PDCD6IP: variants seen among roughly 807,000 people sequenced by gnomAD.
PDCD6IP encodes the protein programmed cell death 6 interacting protein.
PDCD6IP carries 43 observed loss-of-function variants against 103.7 expected under a neutral mutation model. The observed-to-expected ratio is 0.41, with a 90% CI of 0.32 to 0.53. The LOEUF (loss-of-function observed/expected upper bound fraction) is 0.53. Ranked by LOEUF, PDCD6IP falls within the 20% of genes least tolerant of loss-of-function variation. The pLI is 0.16. For synonymous variants in PDCD6IP, 354 were observed against 378.7 expected (o/e 0.93, Z 0.76); for missense variants, 871 against 1,036.7 (o/e 0.84, Z 2.20).
chr3:33,824,751 G>A (rs1053767705), intron 4 of PDCD6IP, among the ~76,000 whole-genome samples: 1 of 152,210 alleles, frequency 6.6e-6, no homozygotes, highest in African/African-American at 2.4e-5. Flanking sequence ...GTTCCTCAGA[G>A]GACTAGGTGT....
At chr3:33,854,305 A>T (rs142510422) in intron 14 of PDCD6IP, among the ~76,000 whole-genome samples, 1 of 152,188 alleles carries the variant, frequency 6.6e-6, no homozygotes, top group African/African-American at 2.4e-5. Context: ...TTTAAGGGAT[A>T]GGAAGTTGAC....
intron 15 of PDCD6IP, among the ~76,000 whole-genome samples, chr3:33,858,961 TAG>T (rs1697890984): frequency 6.6e-6 from 1 of 151,728 alleles, no homozygotes. Flanking sequence ...AAAGTTCAAG[TAG>T]AAAAAGAAAC....
Position 33,865,330 on chromosome 3 carries a change from G to C in PDCD6IP, c.2332G>C (p.Gly778Arg). 2 of 1,596,592 alleles carry C rather than the reference G, an allele frequency of 1.3e-6. No individual in the cohort carries two copies. The highest frequency in any genetic ancestry group is 1.7e-6 in the Non-Finnish European group (2 of 1,172,390). Residue 778 changes from glycine to arginine, a missense_variant, in exon 17 of 18, where the codon GGG becomes CGG. This residue lies in a region of PDCD6IP where 202 missense variants were observed against 205.2 expected (regional missense o/e 0.98). Transcript: ENST00000307296. Reference protein sequence around the residue: ...APSATAPSPVGAGTAAPAPSQ... With the variant: ...APSATAPSPVRAGTAAPAPSQ... ...TTCTGCTACTGCTCCATCTCCAGTG[G>C]GGGCTGGGACTGCTGCGCCAGCTCC...
rs933962435 is a variant in PDCD6IP, at chr3:33,799,183, A to G, written c.209+246A>G. On this transcript the variant is annotated intron_variant, in intron 1 of 17. Coordinates refer to ENST00000307296, the MANE Select transcript of PDCD6IP (RefSeq NM_013374.6). ...CCCTTGGTCGGCGAGGGCTCCGTGG[A>G]TCAGATACCTGGGAGCAGCAGTCTG... The G allele has an allele frequency of 2.0e-5, 11 of 559,526 alleles. No homozygotes were observed. The African/African-American group carries it at 2.1e-4, about 10-fold the overall frequency. 34.7% of individuals were successfully genotyped at this position (559,526 alleles called of 1,614,324 possible). A position where few individuals can be genotyped will look rare whatever the true frequency, so the allele number is the denominator to read the frequency against.
At chr3:33,835,912 A>C (rs1697335970) in intron 7 of PDCD6IP, 132 bp from the exon 8 acceptor site, 1 of 608,930 alleles carries the variant, frequency 1.6e-6, no homozygotes, top group Non-Finnish European at 2.9e-6. Context: ...CCTGTCAGCC[A>C]CATTGCTGGA....
chr3:33,805,728 T>C (rs1696581294), intron 1 of PDCD6IP, among the ~76,000 whole-genome samples: 1 of 151,392 alleles, frequency 6.6e-6, no homozygotes, highest in African/African-American at 2.4e-5. Context: ...CAATTTTTTT[T>C]TTTTTTTAAA....
At chr3:33,815,254 T>C (rs1696821739) in intron 3 of PDCD6IP, among the ~76,000 whole-genome samples, 1 of 151,732 alleles carries the variant, frequency 6.6e-6, no homozygotes, top group African/African-American at 2.4e-5. Context: ...TGGAGGGTGA[T>C]GATATTAGAA....
intron 1 of PDCD6IP, among the ~76,000 whole-genome samples, chr3:33,801,172 G>T (rs961754675): frequency 1.3e-5 from 2 of 152,162 alleles, no homozygotes; most frequent in East Asian, 1.9e-4. Flanking sequence ...CAAAAGTTTT[G>T]TAGGTATATA....
At chr3:33,829,949 C>T (rs893959139) in intron 7 of PDCD6IP, among the ~76,000 whole-genome samples, 2 of 152,118 alleles carry the variant, frequency 1.3e-5, no homozygotes, top group Non-Finnish European at 2.9e-5. Context: ...AAGAGGGAGC[C>T]AAACTGCTCA....
chr3:33,805,813 T>C (rs988498042), intron 1 of PDCD6IP, among the ~76,000 whole-genome samples: 4 of 151,954 alleles, frequency 2.6e-5, no homozygotes, highest in Admixed American at 1.3e-4. Flanking sequence ...GGCGCGATCT[T>C]GGCTCACTGC....
chr3:33,821,971 A>T lies in PDCD6IP; in HGVS notation c.351A>T (p.Gly117=), dbSNP rs749628714. 2 of 1,613,216 alleles carry T rather than the reference A, an allele frequency of 1.2e-6. No homozygotes were observed. The highest frequency in any genetic ancestry group is 1.7e-5 in the Admixed American group (1 of 59,880). The change falls in exon 4 of 18, where the codon GGA becomes GGT. Residue 117 remains glycine, a synonymous_variant. Coordinates refer to ENST00000307296, the MANE Select transcript of PDCD6IP (RefSeq NM_013374.6). Reference sequence around the variant, plus strand: ...TTTTTACAGCTCTTGCAAGCTTAGGATATGAAAAGAGCTGTGTGTTGTTCA... The same window carrying T: ...TTTTTACAGCTCTTGCAAGCTTAGGTTATGAAAAGAGCTGTGTGTTGTTCA... ...GSVKLALASL[G]YEKSCVLFNC...
At chr3:33,844,248 C>T in intron 11 of PDCD6IP, 25 bp downstream of exon 11, 1 of 1,280,902 alleles carries the variant, frequency 7.8e-7, no homozygotes, top group Non-Finnish European at 1.1e-6. Flanking sequence ...AAATGACCTT[C>T]ATTTGAATAA....
chr3:33,859,830 A>C (rs569157123), intron 15 of PDCD6IP, among the ~76,000 whole-genome samples: 1 of 152,352 alleles, frequency 6.6e-6, no homozygotes, highest in South Asian at 2.1e-4. Context: ...TTGGGAGTCT[A>C]TTCTGAGGAT....
chr3:33,819,361 G>A (rs906901384), intron 3 of PDCD6IP, among the ~76,000 whole-genome samples: 2 of 152,108 alleles, frequency 1.3e-5, no homozygotes, highest in Admixed American at 1.3e-4. Context: ...AATGCTAATT[G>A]TGATATTTGG....
intron 1 of PDCD6IP, among the ~76,000 whole-genome samples, chr3:33,811,553 A>C (rs975007405): frequency 6.6e-6 from 1 of 152,196 alleles, no homozygotes; most frequent in Non-Finnish European, 1.5e-5. Flanking sequence ...TGCTATGCAG[A>C]AAACAGGTCG....
At chr3:33,856,786 A>G (rs1189475464) in intron 15 of PDCD6IP, among the ~76,000 whole-genome samples, 1 of 152,354 alleles carries the variant, frequency 6.6e-6, no homozygotes, top group East Asian at 1.9e-4. Flanking sequence ...TCTGTATGCC[A>G]GAAGAGAGTG....
chr3:33,818,911 TAC>T (rs150318308), intron 3 of PDCD6IP, among the ~76,000 whole-genome samples: 1,704 of 152,292 alleles, frequency 0.011, 23 homozygotes, highest in African/African-American at 0.039. Context: ...GGAATATTTT[TAC>T]AGTCTTCTCT....
At chr3:33,818,110 T>TTG (rs1696898635) in intron 3 of PDCD6IP, among the ~76,000 whole-genome samples, 1 of 143,126 alleles carries the variant, frequency 7.0e-6, no homozygotes, top group African/African-American at 2.6e-5. Context: ...TTTTTTTTTT[T>TTG]TTTTTTTTTT....
Position 33,854,020 on chromosome 3 carries a change from A to C in PDCD6IP, c.2025+7A>C, listed in dbSNP as rs1697776668. On this transcript the variant is annotated splice_region_variant and intron_variant, in intron 14 of 17. Transcript: ENST00000307296. ...TTTGAAGGAAGGCACAAAGGTATGA[A>C]GTACATGCAAAAGGAACCATAGCTA... 8 of 1,568,610 alleles carry C rather than the reference A, an allele frequency of 5.1e-6. No homozygotes were observed. Among genetic ancestry groups the C allele is most frequent in the Non-Finnish European group, 6.9e-6 (8 of 1,165,008 alleles).
Sources: allele counts gnomAD v4.1 joint callset (sites outside exome capture counted in the v4.1 genomes callset), GRCh38; gene constraint gnomAD v4.1.1; regional missense constraint gnomAD v4.1.1; transcripts MANE v1.5; gene names NCBI Gene and HGNC (gene_info 2026-07-23, HGNC 2026-07-21).